CRYBG2: variants seen among roughly 807,000 people sequenced by gnomAD.
CRYBG2 encodes the protein crystallin beta-gamma domain containing 2.
In CRYBG2, 106 loss-of-function variants were observed where a neutral mutation model predicts 153.4. The ratio of observed to expected loss-of-function variants is 0.69; its 90% CI spans 0.59 to 0.81. The LOEUF is 0.81. CRYBG2 is among the 30% of genes least tolerant of loss of function. CRYBG2 has a pLI of 0.00. For missense variants in CRYBG2, 1,996 were observed against 2,112.0 expected (o/e 0.95, Z 1.08); for synonymous variants, 851 against 877.8 (o/e 0.97, Z 0.54).
rs768802590 is a variant in CRYBG2, at chr1:26,343,951, G to A, written c.2707C>T (p.Arg903Cys). ...ELQGGSRPTS[R>C]LGGSLLFGSL... Reference sequence around the variant, plus strand: ...CCGAACAGAAGGCTGCCTCCAAGACGGGAAGTGGGCCTGCTGCCTCCCTGC... The same window carrying A: ...CCGAACAGAAGGCTGCCTCCAAGACAGGAAGTGGGCCTGCTGCCTCCCTGC... Residue 903 changes from arginine (R) to cysteine (C), a missense_variant, in exon 2 of 20, where the codon CGT becomes TGT. Transcript: ENST00000308182. This position sits in a 1 kb window ranked among gnomAD's most constrained non-coding sequence, Gnocchi z 4.1. 1.8e-5 allele frequency: 27 copies of A among 1,539,402 alleles called. 1 individual carries two copies. Among genetic ancestry groups the A allele is most frequent in the South Asian group, 7.1e-5 (6 of 84,006 alleles).
chr1:26,346,155 C>A lies in CRYBG2; in HGVS notation c.503G>T (p.Ser168Ile). The change falls in exon 2 of 20, where the codon AGC becomes ATC. Residue 168 changes from serine (S) to isoleucine (I), a missense_variant. Ser to Ile is a moderately radical substitution (Grantham distance 142). Coordinates refer to ENST00000308182, the MANE Select transcript of CRYBG2 (RefSeq NM_001039775.4). This position sits in a 1 kb window ranked among gnomAD's most constrained non-coding sequence, Gnocchi z 4.9. ...GCGTGTCACTCGGTATTCCTCGAGG[C>A]TCCGGGAGCTACCACTGGTGAGACC... ...GVGLTSGSSR[S>I]LEEYRVTRTV... 3.2e-6 allele frequency: 5 copies of A among 1,550,244 alleles called. No homozygotes were observed. The highest frequency in any genetic ancestry group is 1.2e-5 in the South Asian group (1 of 84,018).
Position 26,336,251 on chromosome 1 carries a change from TG to T in CRYBG2, c.4072-45del, listed in dbSNP as rs777790139. On this transcript the variant is annotated intron_variant, in intron 13 of 19. Coordinates refer to ENST00000308182, the MANE Select transcript of CRYBG2 (RefSeq NM_001039775.4). The surrounding 1 kb of genome is among the most constrained non-coding windows in gnomAD (Gnocchi z 4.9). ...GATGAGGGGAAGGAGGACGATGGAG[TG>T]GGGCCGAGAACAGCGGGGAGGGGAA... The T allele has an allele frequency of 6.3e-7, 1 of 1,583,866 alleles. No homozygotes were observed. The highest frequency in any genetic ancestry group is 2.3e-5 in the East Asian group (1 of 43,194).
Position 26,345,026 on chromosome 1 carries a change from G to T in CRYBG2, c.1632C>A (p.Thr544=), listed in dbSNP as rs1028147620. The T allele has an allele frequency of 9.2e-4, 716 of 775,520 alleles. 5 individuals carry two copies. Among genetic ancestry groups the T allele is most frequent in the Middle Eastern group, 1.5e-3 (4 of 2,722 alleles). The allele number at this position is 775,520 out of a possible 1,614,324, so 48.0% of individuals were successfully genotyped here. ...CAGGGCCCTTCACAACCTCTTTCCA[G>T]GTGGGAAATGAGGCATCAGGAGCAC... The part of the protein sequence containing the change: ...GPGAPDASFP[T]WKEVVKGPGA... The change falls in exon 2 of 20, where the codon ACC becomes ACA. Residue 544 remains threonine (T), a synonymous_variant. Coordinates refer to ENST00000308182, the MANE Select transcript of CRYBG2 (RefSeq NM_001039775.4).
At chr1:26,347,628 T>C (rs2074240224) in intron 1 of CRYBG2, among the ~76,000 whole-genome samples, 1 of 152,044 alleles carries the variant, frequency 6.6e-6, no homozygotes, top group Non-Finnish European at 1.5e-5. Context: ...TAGCTGGGAC[T>C]ACAGGTGCCC....
chr1:26,334,779 T>C lies in CRYBG2; in HGVS notation c.4184+1316A>G, dbSNP rs547085471. Among the ~76,000 whole-genome samples, 9 of 151,726 alleles carry C rather than the reference T, an allele frequency of 5.9e-5. No homozygotes were observed. The East Asian group carries it at 1.8e-3, about 30-fold the overall frequency. On this transcript the variant is annotated intron_variant, in intron 14 of 19. Transcript: ENST00000308182. ...CTCTACTAAAAATACAAAAATTAGC[T>C]GGGCGTGGTGGCGGGTGCCTGTAAT... is the stretch of plus-strand genomic sequence containing the variant.
Position 26,321,996 on chromosome 1 carries a change from G to A in CRYBG2, c.4958C>T (p.Ser1653Phe). 6.2e-7 allele frequency: 1 copy of A among 1,601,840 alleles called. No homozygotes were observed. Among genetic ancestry groups the A allele is most frequent in the South Asian group, 1.1e-5 (1 of 90,638 alleles). The change falls in exon 20 of 20, where the codon TCC becomes TTC. Residue 1653 changes from serine to phenylalanine, a missense_variant. Physicochemically the swap from Ser to Phe is radical, Grantham distance 155. Coordinates refer to ENST00000308182, the MANE Select transcript of CRYBG2 (RefSeq NM_001039775.4). The part of the protein sequence containing the change: ...VLWEPDEDRA[S>F]QIWTIHVL ...AAGCACGTGGATAGTCCAGATCTGG[G>A]ATGCCCTGTCCTCATCCGGCTCCCA...
In CRYBG2 at chr1:26,338,414, G is replaced by A. The variant is rs78628066; in HGVS notation, c.3408C>T (p.Tyr1136=). The A allele has an allele frequency of 1.6e-4, 259 of 1,613,562 alleles. 1 individual carries two copies. In the African/African-American group the frequency reaches 3.0e-3, roughly 19 times the overall value. Residue 1136 remains tyrosine, a synonymous_variant, in exon 7 of 20, where the codon TAC becomes TAT. Coordinates refer to ENST00000308182, the MANE Select transcript of CRYBG2 (RefSeq NM_001039775.4). ...ATGTGCCCCAGGCCTCTGAGGTGGG[G>A]TACTCTCCAGGTTCCAGGATGTAGG... ...DTPYILEPGE[Y]PTSEAWGTSD...
At position 26,344,349 on chromosome 1, in the gene CRYBG2, G is replaced by C. The variant is rs558118601; in HGVS notation, c.2309C>G (p.Thr770Arg). 1.3e-6 allele frequency: 2 copies of C among 1,506,016 alleles called. No individual in the cohort carries two copies. Among genetic ancestry groups the C allele is most frequent in the African/African-American group, 1.4e-5 (1 of 71,734 alleles). 93.3% of individuals were successfully genotyped at this position (1,506,016 alleles called of 1,614,324 possible). A position where few individuals can be genotyped will look rare whatever the true frequency, so the allele number is the denominator to read the frequency against. ...CTCAGGGGGCTCCATGCTCCGCAGCGTATCCAGGAATATCTCCAGGTCAGC... is the reference window on the plus strand; with the variant it reads ...CTCAGGGGGCTCCATGCTCCGCAGCCTATCCAGGAATATCTCCAGGTCAGC... ...LAADLEIFLD[T>R]LRSMEPPEIL... is the part of the protein sequence containing the mutation. Residue 770 changes from threonine to arginine, a missense_variant, in exon 2 of 20, where the codon ACG (threonine) becomes AGG (arginine). Coordinates refer to ENST00000308182, the MANE Select transcript of CRYBG2 (RefSeq NM_001039775.4).
rs2074148815 is a variant in CRYBG2 at position 26,342,861 on chromosome 1, C to T, written c.3097G>A (p.Glu1033Lys). 1 of 1,614,062 alleles carries T rather than the reference C, an allele frequency of 6.2e-7. No individual in the cohort carries two copies. Among genetic ancestry groups the T allele is most frequent in the Non-Finnish European group, 8.5e-7 (1 of 1,180,030 alleles). The change falls in exon 5 of 20, where the codon GAG becomes AAG. Residue 1033 changes from glutamate (E) to lysine (K), a missense_variant. Physicochemically the swap from Glu to Lys is moderately conservative, Grantham distance 56 (BLOSUM62 1). Transcript: ENST00000308182. ...RGCWVLYEEP[E>K]FRGQKLVLPE... ...AGGACCAGCTTCTGACCCCGGAACT[C>T]TGGCTCTTCGTACAGCACCCAGCTG...
chr1:26,344,462 G>A lies in CRYBG2; in HGVS notation c.2196C>T (p.Ala732=). The A allele has an allele frequency of 6.5e-7, 1 of 1,534,198 alleles. No homozygotes were observed. The change falls in exon 2 of 20, where the codon GCC becomes GCT. Residue 732 remains alanine (A), a synonymous_variant. Coordinates refer to ENST00000308182, the MANE Select transcript of CRYBG2 (RefSeq NM_001039775.4). ...TPAPVPTGAE[A]STESQLVSDP... ...CAGAGACAAGCTGGGACTCCGTGCT[G>A]GCCTCTGCTCCTGTTGGCACTGGGG...
rs187727361 is a variant in CRYBG2, at chr1:26,322,228, C to T, written c.4833G>A (p.Trp1611Ter). Residue 1611 changes from tryptophan to a stop codon, truncating the protein, a stop_gained, in exon 19 of 20, where the codon TGG (tryptophan) becomes TGA (stop). Transcript: ENST00000308182. LOFTEE classifies it high-confidence loss of function. ...WAESRLPRQTWSISESGHICS... is the reference protein window; with the variant it reads ...WAESRLPRQT ...AGATGTGGCCCGATTCACTGATGCTCCACGTCTGGCGCGGCAGGCGGCTCT... is the reference window on the plus strand; with the variant it reads ...AGATGTGGCCCGATTCACTGATGCTTCACGTCTGGCGCGGCAGGCGGCTCT... 1.8e-5 allele frequency: 29 copies of T among 1,614,088 alleles called. No individual in the cohort carries two copies. Among genetic ancestry groups the T allele is most frequent in the Non-Finnish European group, 2.2e-5 (26 of 1,180,042 alleles).
Position 26,337,369 on chromosome 1 carries a change from A to G in CRYBG2, c.3655T>C (p.Tyr1219His). ...LRVLGGCWVG[Y>H]EKEGFRGHQY... ...TGGCCCCGGAAGCCCTCCTTCTCGT[A>G]GCCCACCCAGCTGGGAAAAGCAGGA... The change falls in exon 10 of 20, where the codon TAC (tyrosine) becomes CAC (histidine). Residue 1219 changes from tyrosine to histidine, a missense_variant. Coordinates refer to ENST00000308182, the MANE Select transcript of CRYBG2 (RefSeq NM_001039775.4). The G allele has an allele frequency of 6.2e-7, 1 of 1,613,526 alleles. No homozygotes were observed. Among genetic ancestry groups the G allele is most frequent in the Non-Finnish European group, 8.5e-7 (1 of 1,179,716 alleles).
At chr1:26,337,064 C>T in intron 10 of CRYBG2, 84 bp from the exon 11 acceptor site, 1 of 1,577,988 alleles carries the variant, frequency 6.3e-7, no homozygotes, top group Non-Finnish European at 8.6e-7. Context: ...CACAGCCCAC[C>T]CGGGGAATTA....
intron 1 of CRYBG2, among the ~76,000 whole-genome samples, chr1:26,349,304 G>T (rs1408241897): frequency 1.3e-5 from 2 of 152,164 alleles, no homozygotes; most frequent in Non-Finnish European, 2.9e-5. Flanking sequence ...GAAACCGAGG[G>T]TCAGAGAAGA....
At chr1:26,322,884 C>T (rs1282531991) in intron 18 of CRYBG2, among the ~76,000 whole-genome samples, 1 of 152,146 alleles carries the variant, frequency 6.6e-6, no homozygotes, top group Non-Finnish European at 1.5e-5. Flanking sequence ...CTGCTACCTC[C>T]CCCTTACTCA....
Position 26,342,747 on chromosome 1 carries a change from C to G in CRYBG2, c.3204+7G>C, listed in dbSNP as rs2074146491. 3 of 1,612,476 alleles carry G rather than the reference C, an allele frequency of 1.9e-6. No homozygotes were observed. The highest frequency in any genetic ancestry group is 3.3e-5 in the Admixed American group (2 of 59,962). ...TCGAGGCCGTCTCCCACCTCCAACT[C>G]ACTCACCCAGACAACCCTCCTTAGG... On this transcript the variant is annotated splice_region_variant and intron_variant, in intron 5 of 19. Transcript: ENST00000308182.
intron 5 of CRYBG2, 85 bp from the exon 6 acceptor site, chr1:26,339,514 G>C: frequency 1.4e-6 from 2 of 1,451,170 alleles, no homozygotes; most frequent in Non-Finnish European, 1.9e-6. Context: ...TTGGGAGGCC[G>C]AGGCGGGCAG....
In CRYBG2 at chr1:26,344,860, C is replaced by A. The variant is rs1557717168; in HGVS notation, c.1798G>T (p.Val600Leu). Residue 600 changes from valine (V) to leucine (L), a missense_variant, in exon 2 of 20, where the codon GTG (valine) becomes TTG (leucine). By Grantham distance (32) the Val-to-Leu change is conservative. Transcript: ENST00000308182. Reference protein sequence around the residue: ...AASSPTQKEVVKGPCAPAASS... With the variant: ...AASSPTQKEVLKGPCAPAASS... ...GCAGCAGGAGCACAGGGGCCCTTCA[C>A]AACCTCTTTCTGGGTGGGCGATGAG... 1 of 1,534,504 alleles carries A rather than the reference C, an allele frequency of 6.5e-7. No homozygotes were observed. The highest frequency in any genetic ancestry group is 8.7e-7 in the Non-Finnish European group (1 of 1,146,214).
chr1:26,344,942 AG>A lies in CRYBG2; in HGVS notation c.1715del (p.Pro572LeufsTer12), dbSNP rs1344424981. 6.5e-7 allele frequency: 1 copy of A among 1,538,624 alleles called. No individual in the cohort carries two copies. Among genetic ancestry groups the A allele is most frequent in the African/African-American group, 1.4e-5 (1 of 72,400 alleles). On this transcript the variant is annotated frameshift_variant, in exon 2 of 20. Transcript: ENST00000308182. LOFTEE classifies it high-confidence loss of function. ...QKEVVQGSGA[P>X]AALSTTPKEV... ...CTTTTGGGGTGGTGGACAAGGCAGC[AG>A]GAGCACCAGACCCCTGCACCACCTC...
Sources: allele counts gnomAD v4.1 joint callset (sites outside exome capture counted in the v4.1 genomes callset), GRCh38; gene constraint gnomAD v4.1.1; non-coding constraint Gnocchi (gnomAD v3.1); transcripts MANE v1.5; gene names NCBI Gene and HGNC (gene_info 2026-07-23, HGNC 2026-07-21).